Variants in ESS2 observed in about 807,000 individuals in gnomAD.
ESS2 encodes the protein ess-2 spliceosome associated protein, also known as splicing factor ESS-2 homolog.
In ESS2, 31 loss-of-function variants were observed where a neutral mutation model predicts 52.0. The ratio of observed to expected loss-of-function variants is 0.60; its 90% CI spans 0.45 to 0.81. The LOEUF (loss-of-function observed/expected upper bound fraction) is 0.81. ESS2 is among the 30% of genes least tolerant of loss of function. The probability of loss-of-function intolerance (pLI) is 0.00; values close to 1 mark genes in which losing one functional copy is unlikely to be tolerated. For synonymous variants in ESS2, 285 were observed against 259.2 expected (o/e 1.10, Z -0.95); for missense variants, 602 against 637.2 (o/e 0.94, Z 0.59).
chr22:19,139,617 G>A lies in ESS2; in HGVS notation c.683C>T (p.Pro228Leu). ...YKAKNSLMYY[P>L]EGVPDEEQLF... is the part of the protein sequence containing the mutation. ...CTGCGAGGCCCGCCACTTACCCTCT[G>A]GATAGTACATGAGGGAATTCTTGGC... Residue 228 changes from proline to leucine, a missense_variant, in exon 5 of 10, where the codon CCA (proline) becomes CTA (leucine). Pro to Leu is a moderately conservative substitution (Grantham distance 98). Coordinates refer to ENST00000252137, the MANE Select transcript of ESS2 (RefSeq NM_022719.3). 2 of 1,613,186 alleles carry A rather than the reference G, an allele frequency of 1.2e-6. No individual in the cohort carries two copies. Among genetic ancestry groups the A allele is most frequent in the African/African-American group, 1.3e-5 (1 of 75,030 alleles).
intron 8 of ESS2, 55 bp from the exon 9 acceptor site, chr22:19,135,230 G>T: frequency 1.4e-6 from 2 of 1,454,928 alleles, no homozygotes; most frequent in Non-Finnish European, 1.9e-6. Flanking sequence ...ACGCCAGGCA[G>T]CCCCTCACAC....
intron 6 of ESS2, 25 bp downstream of exon 6, chr22:19,139,134 C>T (rs780231662): frequency 9.1e-5 from 143 of 1,563,512 alleles, no homozygotes; most frequent in Middle Eastern, 3.4e-4. Context: ...CTGGCCCATG[C>T]GGCCCTGCTG....
In ESS2 at chr22:19,131,187, C is replaced by T. The variant is rs1346424209; in HGVS notation, c.*3009G>A. ...CTTCCACGGTTCCAGAGACCCTGTT[C>T]TCCCTCAGCCCAGTCCCCGCCCCCA... On this transcript the variant is annotated 3_prime_UTR_variant, in exon 10 of 10. Coordinates refer to ENST00000252137, the MANE Select transcript of ESS2 (RefSeq NM_022719.3). This position sits in a 1 kb window ranked among gnomAD's most constrained non-coding sequence, Gnocchi z 5.7. The T allele has an allele frequency of 1.8e-6, 1 of 546,628 alleles. No homozygotes were observed. Among genetic ancestry groups the T allele is most frequent in the African/African-American group, 1.9e-5 (1 of 53,072 alleles). The allele number at this position is 546,628 out of a possible 1,614,324, so 33.9% of individuals were successfully genotyped here. A position where few individuals can be genotyped will look rare whatever the true frequency, so the allele number is the denominator to read the frequency against.
Position 19,133,958 on chromosome 22 carries a change from TGACA to T in ESS2, c.*234_*237del. On this transcript the variant is annotated 3_prime_UTR_variant, in exon 10 of 10. Coordinates refer to ENST00000252137, the MANE Select transcript of ESS2 (RefSeq NM_022719.3). ...CAGACTGTACCTAGGTGTTCTTTAA[TGACA>T]GTTCAAGGGGCCAATTAAACAGCAA... 2.4e-6 allele frequency: 1 copy of T among 415,106 alleles called. No homozygotes were observed. Among genetic ancestry groups the T allele is most frequent in the Middle Eastern group, 6.2e-4 (1 of 1,622 alleles). The allele number at this position is 415,106 out of a possible 1,614,324, so 25.7% of individuals were successfully genotyped here.
At chr22:19,139,066 C>T in intron 6 of ESS2, 93 bp downstream of exon 6, 2 of 1,469,032 alleles carry the variant, frequency 1.4e-6, no homozygotes, top group South Asian at 1.3e-5. Context: ...TCACTGAGCT[C>T]TGCCAAGCTC....
chr22:19,139,259 G>T lies in ESS2; in HGVS notation c.722C>A (p.Pro241His). The change falls in exon 6 of 10, where the codon CCC becomes CAC. Residue 241 changes from proline to histidine, a missense_variant. By Grantham distance (77) the Pro-to-His change is moderately conservative (BLOSUM62 -2). Transcript: ENST00000252137. Reference sequence around the variant, plus strand: ...CGTGTTCTTATGTACCACCTGCCGGGGCTTCTTAAACAGCTGCTCCTCGTC... The same window carrying T: ...CGTGTTCTTATGTACCACCTGCCGGTGCTTCTTAAACAGCTGCTCCTCGTC... Reference protein sequence around the residue: ...VPDEEQLFKKPRQVVHKNTRF... With the variant: ...VPDEEQLFKKHRQVVHKNTRF... 6.2e-7 allele frequency: 1 copy of T among 1,605,758 alleles called. No individual in the cohort carries two copies. Among genetic ancestry groups the T allele is most frequent in the Non-Finnish European group, 8.5e-7 (1 of 1,175,798 alleles).
rs577857654 is a variant in ESS2, at chr22:19,142,267, A to C, written c.400+271T>G. Among the ~76,000 whole-genome samples, 221 of 152,388 alleles carry C rather than the reference A, an allele frequency of 1.5e-3. 1 individual carries two copies. Among genetic ancestry groups the C allele is most frequent in the Non-Finnish European group, 2.2e-3 (147 of 68,040 alleles). Reference sequence around the variant, plus strand: ...CAAAAGGGGCCTTCCAACATCCATGAAGCCCACAGGGCAGGGCTGGAACAC... The same window carrying C: ...CAAAAGGGGCCTTCCAACATCCATGCAGCCCACAGGGCAGGGCTGGAACAC... On this transcript the variant is annotated intron_variant, in intron 3 of 9. Coordinates refer to ENST00000252137, the MANE Select transcript of ESS2 (RefSeq NM_022719.3).
intron 3 of ESS2, among the ~76,000 whole-genome samples, chr22:19,140,396 G>A (rs1357674279): frequency 1.3e-5 from 2 of 152,168 alleles, no homozygotes; most frequent in Non-Finnish European, 2.9e-5. Flanking sequence ...TGGGTGCCAG[G>A]CCTCCAAATC....
intron 9 of ESS2, among the ~76,000 whole-genome samples, 182 bp from the exon 10 acceptor site, chr22:19,134,657 AG>A (rs2083550465): frequency 6.6e-6 from 1 of 152,058 alleles, no homozygotes; most frequent in Admixed American, 6.5e-5. Flanking sequence ...AGCAGCGCTC[AG>A]GTCAAACCTG....
chr22:19,131,752 G>C lies in ESS2; in HGVS notation c.*2444C>G, dbSNP rs202160996. The C allele has an allele frequency of 1.2e-6, 2 of 1,614,112 alleles. No individual in the cohort carries two copies. Among genetic ancestry groups the C allele is most frequent in the African/African-American group, 1.3e-5 (1 of 75,026 alleles). ...GAGGACGTGGCACGCAAGATGTTCC[G>C]ACAGCTCTCCTCCGCCGTCAAGTAC... On this transcript the variant is annotated 3_prime_UTR_variant, in exon 10 of 10. Transcript: ENST00000252137. This position sits in a 1 kb window ranked among gnomAD's most constrained non-coding sequence, Gnocchi z 5.7.
At position 19,130,634 on chromosome 22, in the gene ESS2, C is replaced by A; in HGVS notation, c.*3562G>T. ...TTCAAACAGCTGCCTGTTCCCTTAA[C>A]TTGTCTTCAGATTTTGTCGACCCGA... On this transcript the variant is annotated 3_prime_UTR_variant, in exon 10 of 10. Transcript: ENST00000252137. 1 of 338,646 alleles carries A rather than the reference C, an allele frequency of 3.0e-6. No homozygotes were observed. Among genetic ancestry groups the A allele is most frequent in the Non-Finnish European group, 5.7e-6 (1 of 176,910 alleles). The allele number at this position is 338,646 out of a possible 1,614,324, so 21.0% of individuals were successfully genotyped here. A position where few individuals can be genotyped will look rare whatever the true frequency, so the allele number is the denominator to read the frequency against.
chr22:19,144,183 C>T (rs1409312149), intron 1 of ESS2: 16 of 1,113,170 alleles, frequency 1.4e-5, no homozygotes, highest in Non-Finnish European at 1.8e-5. Context: ...CACTTGCTGC[C>T]ACCGCTCTTT....
In ESS2 at chr22:19,134,313, G is replaced by T. The variant is rs776455586; in HGVS notation, c.1314C>A (p.Pro438=). Reference sequence around the variant, plus strand: ...CAGAGCCAGGCGCCGGTGTGCTTGTGGGGGTCTGCAGCCCACTGGCCGGGG... The same window carrying T: ...CAGAGCCAGGCGCCGGTGTGCTTGTTGGGGTCTGCAGCCCACTGGCCGGGG... ...LKTPASGLQT[P]TSTPAPGSAT... is the part of the protein sequence containing the mutation. Residue 438 remains proline, a synonymous_variant, in exon 10 of 10, where the codon CCC becomes CCA. Transcript: ENST00000252137. 24 of 1,608,962 alleles carry T rather than the reference G, an allele frequency of 1.5e-5. No individual in the cohort carries two copies. In the African/African-American group the frequency reaches 1.6e-4, roughly 11 times the overall value.
chr22:19,143,845 C>T (rs938747871), intron 1 of ESS2, among the ~76,000 whole-genome samples: 1 of 152,168 alleles, frequency 6.6e-6, no homozygotes, highest in Non-Finnish European at 1.5e-5. Context: ...GGACGACGAG[C>T]GAGACTCCGT....
intron 3 of ESS2, among the ~76,000 whole-genome samples, 182 bp from the exon 4 acceptor site, chr22:19,140,206 C>G (rs1306444878): frequency 6.6e-6 from 1 of 152,198 alleles, no homozygotes; most frequent in African/African-American, 2.4e-5. Flanking sequence ...ATCCACCCAC[C>G]CTGACTGCCC....
intron 1 of ESS2, 43 bp from the exon 2 acceptor site, chr22:19,142,937 T>TG: frequency 1.3e-6 from 2 of 1,580,734 alleles, no homozygotes; most frequent in East Asian, 4.5e-5. Context: ...CCAGGCGCGG[T>TG]GGCTCACACC....
chr22:19,139,620 T>A lies in ESS2; in HGVS notation c.680A>T (p.Tyr227Phe). 5 of 1,613,288 alleles carry A rather than the reference T, an allele frequency of 3.1e-6. No individual in the cohort carries two copies. The highest frequency in any genetic ancestry group is 3.4e-6 in the Non-Finnish European group (4 of 1,179,216). Residue 227 changes from tyrosine (Y) to phenylalanine (F), a missense_variant, in exon 5 of 10, where the codon TAT becomes TTT. Transcript: ENST00000252137. Reference protein sequence around the residue: ...KYKAKNSLMYYPEGVPDEEQL... With the variant: ...KYKAKNSLMYFPEGVPDEEQL... ...CGAGGCCCGCCACTTACCCTCTGGATAGTACATGAGGGAATTCTTGGCCTT... is the reference window on the plus strand; with the variant it reads ...CGAGGCCCGCCACTTACCCTCTGGAAAGTACATGAGGGAATTCTTGGCCTT...
chr22:19,139,882 G>C lies in ESS2; in HGVS notation c.543C>G (p.Leu181=), dbSNP rs780538668. 2.5e-6 allele frequency: 4 copies of C among 1,614,142 alleles called. No homozygotes were observed. The highest frequency in any genetic ancestry group is 3.4e-6 in the Non-Finnish European group (4 of 1,180,008). The part of the protein sequence containing the change: ...KERSRARHAW[L]YQAEEEFEKR... ...TCTCAAACTCTTCCTCAGCCTGGTA[G>C]AGCCAAGCGTGGCGTGCCCGGCTTC... The change falls in exon 4 of 10, where the codon CTC becomes CTG. Residue 181 remains leucine (L), a synonymous_variant. Transcript: ENST00000252137.
At chr22:19,134,625 C>T (rs191308544) in intron 9 of ESS2, 150 bp from the exon 10 acceptor site, 24 of 832,064 alleles carry the variant, frequency 2.9e-5, no homozygotes, top group African/African-American at 2.8e-4. Context: ...GCAGCAAATG[C>T]GGGGGATCCC....
Sources: gnomAD v4.1 joint callset for allele counts (sites outside exome capture counted in the v4.1 genomes callset) on GRCh38, gnomAD v4.1.1 for gene constraint, Gnocchi (gnomAD v3.1) non-coding constraint, MANE v1.5 for transcripts, NCBI Gene and HGNC (gene_info 2026-07-23, HGNC 2026-07-21) for gene names.